Variants in SAXO1 observed in about 807,000 individuals in gnomAD.
SAXO1 encodes 4930500O09Rik.
A neutral mutation model predicts 17.5 loss-of-function variants in SAXO1; 21 were observed. The ratio of observed to expected loss-of-function variants is 1.20; its 90% CI spans 0.85 to 1.72. The LOEUF (loss-of-function observed/expected upper bound fraction) is 1.72, where lower values mean the gene tolerates loss of function less well. Ranked by LOEUF, SAXO1 falls within the 40% of genes most tolerant of loss-of-function variation. SAXO1 has a pLI of 0.00. For missense variants in SAXO1, 843 were observed against 596.0 expected (o/e 1.41, Z -4.32); for synonymous variants, 274 against 216.5 (o/e 1.27, Z -2.33).
chr9:18,948,743 C>T lies in SAXO1; in HGVS notation c.218+2015G>A, dbSNP rs1041614952. Among the ~76,000 whole-genome samples, 9 of 152,278 alleles carry T rather than the reference C, an allele frequency of 5.9e-5. No homozygotes were observed. The South Asian group carries it at 8.3e-4, about 14-fold the overall frequency. On this transcript the variant is annotated intron_variant, in intron 2 of 3. Coordinates refer to ENST00000380534, the MANE Select transcript of SAXO1 (RefSeq NM_153707.4). ...TGTCCCCATTCTCCTAAGCTTTGGG[C>T]AGCTAACAAAGCAACCTGCAACAAC...
At chr9:18,945,548 C>G (rs1831756871) in intron 2 of SAXO1, among the ~76,000 whole-genome samples, 2 of 152,214 alleles carry the variant, frequency 1.3e-5, no homozygotes, top group South Asian at 4.1e-4. Context: ...CATTGTGCTG[C>G]AAAAGATCCT....
chr9:18,940,004 G>T (rs970803034), intron 3 of SAXO1, among the ~76,000 whole-genome samples: 1 of 152,140 alleles, frequency 6.6e-6, no homozygotes, highest in African/African-American at 2.4e-5. Flanking sequence ...CAGGATTAGG[G>T]CTTTGCTAGG....
At chr9:18,962,804 T>C (rs147711803) in intron 1 of SAXO1, among the ~76,000 whole-genome samples, 28 of 152,346 alleles carry the variant, frequency 1.8e-4, no homozygotes, top group African/African-American at 6.7e-4. Context: ...GCTCTTTAAT[T>C]AGATCCCATT....
At chr9:18,951,491 GA>G (rs1258019902) in intron 1 of SAXO1, among the ~76,000 whole-genome samples, 1 of 152,146 alleles carries the variant, frequency 6.6e-6, no homozygotes, top group Non-Finnish European at 1.5e-5. Flanking sequence ...CTGACTATGT[GA>G]AACCACTTTC....
At chr9:18,976,154 T>G (rs1833142702) in intron 1 of SAXO1, among the ~76,000 whole-genome samples, 1 of 152,228 alleles carries the variant, frequency 6.6e-6, no homozygotes, top group African/African-American at 2.4e-5. Context: ...GGAAGCACTC[T>G]AAGCCAGGAT....
chr9:18,996,092 AG>A (rs1833989180), intron 1 of SAXO1, among the ~76,000 whole-genome samples: 1 of 150,634 alleles, frequency 6.6e-6, no homozygotes, highest in East Asian at 1.9e-4. Flanking sequence ...AAAAAAAAAA[AG>A]AAAAGAAAGT....
At chr9:18,955,077 G>A (rs866101290) in intron 1 of SAXO1, among the ~76,000 whole-genome samples, 42 of 152,222 alleles carry the variant, frequency 2.8e-4, no homozygotes, top group Middle Eastern at 3.4e-3. Flanking sequence ...CCTGCCTATC[G>A]TCCCAGCTAC....
At chr9:19,011,910 A>T (rs1192738929) in intron 1 of SAXO1, among the ~76,000 whole-genome samples, 1 of 150,704 alleles carries the variant, frequency 6.6e-6, no homozygotes, top group Non-Finnish European at 1.5e-5. Context: ...CAGTGGCACA[A>T]TCTCAGGTCA....
At chr9:18,937,019 C>G (rs533489045) in intron 3 of SAXO1, among the ~76,000 whole-genome samples, 2 of 152,286 alleles carry the variant, frequency 1.3e-5, no homozygotes, top group South Asian at 4.1e-4. Flanking sequence ...ATTTAATAAC[C>G]TTGGTCTTTG....
intron 1 of SAXO1, among the ~76,000 whole-genome samples, chr9:18,961,806 A>G (rs1415378498): frequency 6.6e-6 from 1 of 152,144 alleles, no homozygotes; most frequent in Non-Finnish European, 1.5e-5. Context: ...ATACGTGTGC[A>G]TGTGTCTTTA....
intron 1 of SAXO1, among the ~76,000 whole-genome samples, chr9:18,953,561 A>G (rs1269713283): frequency 1.3e-5 from 2 of 152,294 alleles, no homozygotes; most frequent in East Asian, 3.9e-4. Flanking sequence ...AAAAACCCTT[A>G]TGCAAAAATA....
At chr9:19,003,229 C>G (rs1834351956) in intron 1 of SAXO1, among the ~76,000 whole-genome samples, 1 of 152,112 alleles carries the variant, frequency 6.6e-6, no homozygotes, top group African/African-American at 2.4e-5. Flanking sequence ...AACCACTGCT[C>G]AACGAAATAA....
intron 1 of SAXO1, among the ~76,000 whole-genome samples, chr9:19,018,964 C>T (rs1282163235): frequency 1.3e-5 from 2 of 152,002 alleles, no homozygotes; most frequent in Admixed American, 1.3e-4. Context: ...ACAAAATTAG[C>T]CAGGCTTGGT....
At chr9:18,945,602 G>C (rs992286383) in intron 2 of SAXO1, among the ~76,000 whole-genome samples, 6 of 152,134 alleles carry the variant, frequency 3.9e-5, no homozygotes, top group African/African-American at 1.4e-4. Context: ...GTCCTTATGG[G>C]ACACAGAGTC....
intron 2 of SAXO1, among the ~76,000 whole-genome samples, chr9:18,950,141 C>T (rs916296946): frequency 3.9e-5 from 6 of 152,154 alleles, no homozygotes; most frequent in African/African-American, 1.2e-4. Flanking sequence ...ACCTCTGCAA[C>T]GCTAATATAC....
chr9:18,957,933 C>A (rs1832322118), intron 1 of SAXO1, among the ~76,000 whole-genome samples: 1 of 152,054 alleles, frequency 6.6e-6, no homozygotes, highest in Non-Finnish European at 1.5e-5. Context: ...ACCCAGAGGC[C>A]AAAGGACAAG....
intron 1 of SAXO1, among the ~76,000 whole-genome samples, chr9:19,011,990 C>T (rs1342153349): frequency 3.3e-5 from 5 of 151,992 alleles, no homozygotes; most frequent in South Asian, 2.1e-4. Context: ...GGACTACAGG[C>T]GCAGGTCACC....
At chr9:18,941,225 T>C (rs999644872) in intron 3 of SAXO1, among the ~76,000 whole-genome samples, 3 of 152,176 alleles carry the variant, frequency 2.0e-5, no homozygotes, top group African/African-American at 4.8e-5. Flanking sequence ...TTGGCAGATA[T>C]TTTGTATAAG....
intron 1 of SAXO1, among the ~76,000 whole-genome samples, chr9:18,989,898 G>C (rs949458369): frequency 2.0e-5 from 3 of 152,192 alleles, no homozygotes; most frequent in African/African-American, 7.2e-5. Context: ...TGTAACCTTT[G>C]AGGACCAAGG....
Sources: gnomAD v4.1 joint callset for allele counts (sites outside exome capture counted in the v4.1 genomes callset) on GRCh38, gnomAD v4.1.1 for gene constraint, MANE v1.5 for transcripts, NCBI Gene and HGNC (gene_info 2026-07-23, HGNC 2026-07-21) for gene names.